KIF1A: variants seen among roughly 807,000 people sequenced by gnomAD.
KIF1A encodes kinesin-like protein KIF1A.
KIF1A carries 46 observed loss-of-function variants against 227.3 expected under a neutral mutation model. The ratio of observed to expected loss-of-function variants is 0.20; its 90% confidence interval spans 0.16 to 0.26. The LOEUF is 0.26. KIF1A is among the 10% of genes least tolerant of loss of function. The pLI, the probability that KIF1A is intolerant of heterozygous loss-of-function variation, is 1.00. For synonymous variants in KIF1A, 1,022 were observed against 1,012.8 expected (o/e 1.01, Z -0.17); for missense variants, 1,683 against 2,485.9 (o/e 0.68, Z 6.87).
chr2:240,743,924 C>A lies in KIF1A; in HGVS notation c.3584+18G>T. 1 of 1,567,322 alleles carries A rather than the reference C, an allele frequency of 6.4e-7. No individual in the cohort carries two copies. The highest frequency in any genetic ancestry group is 8.8e-7 in the Non-Finnish European group (1 of 1,138,452). ...TTTGAGGACAGCAGCCCCGAACCCC[C>A]CGACCCAGGGCGCTAACCTGAGCAC... On this transcript the variant is annotated intron_variant, in intron 33 of 48. Transcript: ENST00000498729.
chr2:240,789,326 C>T lies in KIF1A; in HGVS notation c.107-14G>A, dbSNP rs369757380. The T allele has an allele frequency of 1.9e-6, 3 of 1,609,392 alleles. No individual in the cohort carries two copies. The highest frequency in any genetic ancestry group is 1.7e-6 in the Non-Finnish European group (2 of 1,175,764). ...GGTTAACAATGGCTGTGGGAGGGAA[C>T]ACAGGTGGTTAGCGCTGTGCTGGGA... On this transcript the variant is annotated splice_polypyrimidine_tract_variant and intron_variant, in intron 2 of 48. Coordinates refer to ENST00000498729, the MANE Select transcript of KIF1A (RefSeq NM_001244008.2). The surrounding 1 kb of genome is among the most constrained non-coding windows in gnomAD (Gnocchi z 4.8).
chr2:240,747,679 G>A (rs1249142132), intron 28 of KIF1A, among the ~76,000 whole-genome samples: 1 of 152,206 alleles, frequency 6.6e-6, no homozygotes, highest in African/African-American at 2.4e-5. Flanking sequence ...CACCAGCCCT[G>A]CTGGTCCCAC....
chr2:240,788,743 T>C lies in KIF1A; in HGVS notation c.183+493A>G. On this transcript the variant is annotated intron_variant, in intron 3 of 48. Transcript: ENST00000498729. The surrounding 1 kb of genome is among the most constrained non-coding windows in gnomAD (Gnocchi z 6.6). ...GAAGCGGGGAGCCCTGGGGCTGTTA[T>C]GGGGGGCAGGTGCTCAGAGATATAG... Among the ~76,000 whole-genome samples, 1 of 151,212 alleles carries C rather than the reference T, an allele frequency of 6.6e-6. No homozygotes were observed. Among genetic ancestry groups the C allele is most frequent in the East Asian group, 1.9e-4 (1 of 5,146 alleles).
chr2:240,804,853 T>C (rs969809442), intron 1 of KIF1A, among the ~76,000 whole-genome samples: 4 of 151,980 alleles, frequency 2.6e-5, no homozygotes, highest in Non-Finnish European at 5.9e-5. Flanking sequence ...ACAAAGCACA[T>C]ACAAATCCTC....
At position 240,767,417 on chromosome 2, in the gene KIF1A, A is replaced by G. The variant is rs1009021480; in HGVS notation, c.1498-72T>C. On this transcript the variant is annotated intron_variant, in intron 17 of 48. Transcript: ENST00000498729. ...CTGATGCTGGCCACACCCCCCTCCA[A>G]CCTCTCTCCAGGCACCAGACTACCA... 3 of 1,268,090 alleles carry G rather than the reference A, an allele frequency of 2.4e-6. No homozygotes were observed. In the African/African-American group the frequency reaches 4.4e-5, roughly 19 times the overall value. The allele number at this position is 1,268,090 out of a possible 1,614,324, so 78.6% of individuals were successfully genotyped here.
chr2:240,770,379 C>G (rs565182438), intron 15 of KIF1A, among the ~76,000 whole-genome samples: 1 of 152,170 alleles, frequency 6.6e-6, no homozygotes, highest in Non-Finnish European at 1.5e-5. Flanking sequence ...GGTGTGAACA[C>G]AGGATGGCCT....
rs1355779056 is a variant in KIF1A, at chr2:240,739,803, G to A, written c.3901+255C>T. Among the ~76,000 whole-genome samples, 1 of 152,124 alleles carries A rather than the reference G, an allele frequency of 6.6e-6. No individual in the cohort carries two copies. Among genetic ancestry groups the A allele is most frequent in the Non-Finnish European group, 1.5e-5 (1 of 68,024 alleles). On this transcript the variant is annotated intron_variant, in intron 37 of 48. Coordinates refer to ENST00000498729, the MANE Select transcript of KIF1A (RefSeq NM_001244008.2). The surrounding 1 kb of genome is among the most constrained non-coding windows in gnomAD (Gnocchi z 5.6). ...AAATGTCTGCTGTTTTAAGCTACCT[G>A]GTTTGTGGTATTTTGTCATGGCAGC...
At chr2:240,731,718 G>A (rs771936625) in intron 38 of KIF1A, among the ~76,000 whole-genome samples, 8 of 152,180 alleles carry the variant, frequency 5.3e-5, no homozygotes, top group South Asian at 2.1e-4. Context: ...TTCCTGGTGA[G>A]CCCTCCCCAC....
At chr2:240,727,630 C>T (rs148435585) in intron 38 of KIF1A, among the ~76,000 whole-genome samples, 18 of 152,298 alleles carry the variant, frequency 1.2e-4, no homozygotes, top group Non-Finnish European at 1.8e-4. Flanking sequence ...CGGGAGACAG[C>T]GGCGGCCTCG....
chr2:240,786,834 G>GCCACCATCAGGAC (rs1553638780), intron 5 of KIF1A, among the ~76,000 whole-genome samples: 36 of 148,610 alleles, frequency 2.4e-4, no homozygotes, highest in Middle Eastern at 3.4e-3. Flanking sequence ...GAGGGTGGGG[G>GCCACCATCAGGAC]CTGCCTGCTG....
intron 25 of KIF1A, among the ~76,000 whole-genome samples, chr2:240,759,547 G>C (rs11883969): frequency 0.058 from 8,879 of 151,956 alleles, 578 homozygotes; most frequent in African/African-American, 0.16. Flanking sequence ...ACAACCCCAG[G>C]CTGTGGCCTG....
intron 2 of KIF1A, 39 bp downstream of exon 2, chr2:240,797,607 AC>A: frequency 7.0e-7 from 1 of 1,435,172 alleles, no homozygotes; most frequent in South Asian, 1.2e-5. Flanking sequence ...GCCCCCAGCA[AC>A]CCATGGCCGA....
intron 23 of KIF1A, 82 bp downstream of exon 23, chr2:240,762,637 C>CAAAAGTG: frequency 7.0e-7 from 1 of 1,419,708 alleles, no homozygotes; most frequent in South Asian, 1.6e-5. Context: ...TGACCAGTGA[C>CAAAAGTG]CTCCAGGGAG....
chr2:240,770,052 A>G (rs191280664), intron 15 of KIF1A, among the ~76,000 whole-genome samples: 28 of 152,262 alleles, frequency 1.8e-4, no homozygotes, highest in Admixed American at 3.3e-4. Context: ...ACACTGCCCA[A>G]CATCAGCCTG....
In KIF1A at chr2:240,760,854, G is replaced by A; in HGVS notation, c.2266-11C>T. 4 of 1,603,976 alleles carry A rather than the reference G, an allele frequency of 2.5e-6. No homozygotes were observed. Among genetic ancestry groups the A allele is most frequent in the Non-Finnish European group, 3.4e-6 (4 of 1,176,412 alleles). ...AAACTGGAATTGTACCTGTGACAGGGGAAGATGACCACTCGTCAGCTCCTT... is the reference window on the plus strand; with the variant it reads ...AAACTGGAATTGTACCTGTGACAGGAGAAGATGACCACTCGTCAGCTCCTT... On this transcript the variant is annotated splice_polypyrimidine_tract_variant and intron_variant, in intron 24 of 48. Transcript: ENST00000498729.
At chr2:240,763,932 C>CGAG (rs1473809036) in intron 20 of KIF1A, among the ~76,000 whole-genome samples, 1 of 152,198 alleles carries the variant, frequency 6.6e-6, no homozygotes, top group African/African-American at 2.4e-5. Context: ...TCAGGGCCAC[C>CGAG]GAGGCATGGG....
chr2:240,769,621 G>A lies in KIF1A; in HGVS notation c.1421+6C>T, dbSNP rs1431990627. 2 of 1,612,078 alleles carry A rather than the reference G, an allele frequency of 1.2e-6. No individual in the cohort carries two copies. Among genetic ancestry groups the A allele is most frequent in the Admixed American group, 1.7e-5 (1 of 59,956 alleles). On this transcript the variant is annotated splice_donor_region_variant and intron_variant, in intron 16 of 48. Coordinates refer to ENST00000498729, the MANE Select transcript of KIF1A (RefSeq NM_001244008.2). ...CCCCCTGGGCCTCAGTTTCCCCGCT[G>A]CACACCTCTCCATCCGGATGGCTTC...
rs373544465 is a variant in KIF1A at position 240,741,256 on chromosome 2, C to T, written c.3749+13G>A. The T allele has an allele frequency of 6.4e-7, 1 of 1,564,806 alleles. No homozygotes were observed. The highest frequency in any genetic ancestry group is 8.6e-7 in the Non-Finnish European group (1 of 1,156,626). On this transcript the variant is annotated intron_variant, in intron 35 of 48. Transcript: ENST00000498729. ...CACACTCACGCCCTGGGGGCCCCAG[C>T]ACCAGCACTCACTCGCCGTTGGCCT...
Position 240,740,802 on chromosome 2 carries a change from C to G in KIF1A, c.3750-438G>C, listed in dbSNP as rs554241990. On this transcript the variant is annotated intron_variant, in intron 35 of 48. Transcript: ENST00000498729. The surrounding 1 kb of genome is among the most constrained non-coding windows in gnomAD (Gnocchi z 6.1). ...ATCCGAGTCTCCACCAGGCCCCACT[C>G]TGAGCTGCCAGCCACAGCCCAGCTC... is the stretch of plus-strand genomic sequence containing the variant. Among the ~76,000 whole-genome samples the G allele has an allele frequency of 2.0e-5, 3 of 152,244 alleles. No individual in the cohort carries two copies. Among genetic ancestry groups the G allele is most frequent in the South Asian group, 2.1e-4 (1 of 4,822 alleles).
Sources: allele counts gnomAD v4.1 joint callset (sites outside exome capture counted in the v4.1 genomes callset), GRCh38; gene constraint gnomAD v4.1.1; non-coding constraint Gnocchi (gnomAD v3.1); transcripts MANE v1.5; gene names NCBI Gene and HGNC (gene_info 2026-07-23, HGNC 2026-07-21).